RAPGEF4: variants seen among roughly 807,000 people sequenced by gnomAD.
RAPGEF4 encodes the protein Rap guanine nucleotide exchange factor 4.
Under a neutral mutation model 147.9 loss-of-function variants are expected in RAPGEF4, and 66 were observed. That is an observed-to-expected ratio of 0.45 (90% CI 0.37 to 0.55). The LOEUF (loss-of-function observed/expected upper bound fraction) is 0.55. RAPGEF4 is among the 20% of genes least tolerant of loss of function. RAPGEF4 has a pLI of 0.00. For missense variants in RAPGEF4, 1,071 were observed against 1,257.3 expected (o/e 0.85, Z 2.24); for synonymous variants, 419 against 442.7 (o/e 0.95, Z 0.67).
At chr2:173,019,100 G>C (rs1393480428) in intron 22 of RAPGEF4, among the ~76,000 whole-genome samples, 1 of 152,144 alleles carries the variant, frequency 6.6e-6, no homozygotes, top group East Asian at 1.9e-4. Context: ...TTAGGCCTTG[G>C]AGCCCTGAAA....
intron 4 of RAPGEF4, among the ~76,000 whole-genome samples, chr2:172,819,896 A>T (rs921051588): frequency 3.9e-5 from 6 of 152,360 alleles, no homozygotes; most frequent in South Asian, 2.1e-4. Context: ...AGCAGTTATT[A>T]TATTAATAGT....
intron 9 of RAPGEF4, chr2:172,966,997 A>G (rs1689909249): frequency 3.0e-6 from 1 of 332,076 alleles, no homozygotes; most frequent in South Asian, 8.4e-5. Flanking sequence ...TGTTCATCTG[A>G]GAAATGCTGG....
chr2:172,950,234 G>C (rs932163705), intron 6 of RAPGEF4, among the ~76,000 whole-genome samples: 4 of 152,152 alleles, frequency 2.6e-5, no homozygotes, highest in Non-Finnish European at 5.9e-5. Context: ...ATTCCTTGAT[G>C]AGGGCGGTAG....
At chr2:172,749,771 AC>A (rs1392329551) in intron 1 of RAPGEF4, among the ~76,000 whole-genome samples, 1 of 152,142 alleles carries the variant, frequency 6.6e-6, no homozygotes, top group Admixed American at 6.5e-5. Context: ...AATTTCCCGA[AC>A]TTTTATGCTC....
At chr2:173,013,430 A>G (rs1296236552) in intron 17 of RAPGEF4, among the ~76,000 whole-genome samples, 1 of 152,266 alleles carries the variant, frequency 6.6e-6, no homozygotes, top group African/African-American at 2.4e-5. Context: ...CGACACTTTC[A>G]TCACAAGGCT....
chr2:172,854,060 G>T (rs1319558165), intron 4 of RAPGEF4, among the ~76,000 whole-genome samples: 4 of 151,928 alleles, frequency 2.6e-5, no homozygotes, highest in African/African-American at 9.7e-5. Context: ...AAAAGAATGT[G>T]CATTCTGCAG....
chr2:172,981,029 A>C (rs749974638), intron 10 of RAPGEF4, among the ~76,000 whole-genome samples: 1 of 152,286 alleles, frequency 6.6e-6, no homozygotes, highest in Non-Finnish European at 1.5e-5. Context: ...ACTTTTCCTA[A>C]CCTCATAGAG....
intron 2 of RAPGEF4, among the ~76,000 whole-genome samples, chr2:172,796,347 A>T (rs1421411323): frequency 6.6e-6 from 1 of 152,096 alleles, no homozygotes. Flanking sequence ...GCACTTTGGG[A>T]GGCTGAGGTG....
rs550510475 is a variant in RAPGEF4, at chr2:172,981,616, A to G, written c.1005-1880A>G. Among the ~76,000 whole-genome samples the G allele has an allele frequency of 9.8e-5, 15 of 152,360 alleles. No homozygotes were observed. The East Asian group carries it at 2.9e-3, about 29-fold the overall frequency. ...GTGGATTTAGTATCTGTCTTTATACAGTCAGGATTAGGAAGATAGCCCCTG... is the reference window on the plus strand; with the variant it reads ...GTGGATTTAGTATCTGTCTTTATACGGTCAGGATTAGGAAGATAGCCCCTG... On this transcript the variant is annotated intron_variant, in intron 10 of 30. Coordinates refer to ENST00000397081, the MANE Select transcript of RAPGEF4 (RefSeq NM_007023.4).
chr2:172,887,208 G>A (rs1189789052), intron 4 of RAPGEF4, among the ~76,000 whole-genome samples: 16 of 145,400 alleles, frequency 1.1e-4, no homozygotes, highest in East Asian at 4.0e-4. Context: ...AAAAAAAAAA[G>A]AAAAAAAGAA....
At chr2:172,934,190 C>T (rs898286612) in intron 6 of RAPGEF4, among the ~76,000 whole-genome samples, 1 of 125,054 alleles carries the variant, frequency 8.0e-6, no homozygotes, top group Non-Finnish European at 1.6e-5. Context: ...TGCTCTGTCA[C>T]CCAGGCTGGA....
At chr2:173,002,297 AC>A (rs1198212663) in intron 17 of RAPGEF4, among the ~76,000 whole-genome samples, 1 of 152,038 alleles carries the variant, frequency 6.6e-6, no homozygotes, top group African/African-American at 2.4e-5. Flanking sequence ...CATCTTACTG[AC>A]TTAAAGACCC....
intron 1 of RAPGEF4, among the ~76,000 whole-genome samples, chr2:172,755,909 T>C (rs7587431): frequency 0.011 from 1,660 of 152,262 alleles, 34 homozygotes; most frequent in African/African-American, 0.037. Flanking sequence ...TGTGTGTGTG[T>C]AGTTCTATGT....
chr2:172,789,163 A>G (rs548238275), intron 1 of RAPGEF4, among the ~76,000 whole-genome samples: 2 of 152,342 alleles, frequency 1.3e-5, no homozygotes, highest in South Asian at 4.1e-4. Flanking sequence ...TTGTTTAAAT[A>G]TCTCACTTGA....
chr2:172,874,112 A>C (rs1206879552), intron 4 of RAPGEF4, among the ~76,000 whole-genome samples: 1 of 152,180 alleles, frequency 6.6e-6, no homozygotes, highest in Non-Finnish European at 1.5e-5. Context: ...AGTATAAATT[A>C]GTTCAACCAT....
chr2:172,802,673 A>G (rs1687095724), intron 3 of RAPGEF4, among the ~76,000 whole-genome samples: 1 of 152,216 alleles, frequency 6.6e-6, no homozygotes, highest in African/African-American at 2.4e-5. Context: ...ACAGTCTCCC[A>G]AAGTCTTAAT....
intron 1 of RAPGEF4, among the ~76,000 whole-genome samples, chr2:172,774,572 A>G (rs74437795): frequency 0.029 from 4,362 of 152,304 alleles, 241 homozygotes; most frequent in African/African-American, 0.098. Context: ...TTAAAATATC[A>G]GCTAAAATGG....
Position 172,878,084 on chromosome 2 carries a change from C to T in RAPGEF4, c.445-39718C>T, listed in dbSNP as rs1013068949. ...CAAATTACTTAAGTTGTGCTCTTTG[C>T]ATTAGAATCTGCACTTCAAATGAAT... is the stretch of plus-strand genomic sequence containing the variant. On this transcript the variant is annotated intron_variant, in intron 4 of 30. Coordinates refer to ENST00000397081, the MANE Select transcript of RAPGEF4 (RefSeq NM_007023.4). Among the ~76,000 whole-genome samples, 3 of 152,272 alleles carry T rather than the reference C, an allele frequency of 2.0e-5. No homozygotes were observed. In the East Asian group the frequency reaches 5.8e-4, roughly 29 times the overall value.
In RAPGEF4 at chr2:173,052,412, A is replaced by C. The variant is rs1686333578; in HGVS notation, c.*645A>C. On this transcript the variant is annotated 3_prime_UTR_variant, in exon 31 of 31. Transcript: ENST00000397081. ...TACAATGTAACTTTTCAAAATTTAC[A>C]AATCAGGATTATATACATAAGAATT... 2 of 152,676 alleles carry C rather than the reference A, an allele frequency of 1.3e-5. No individual in the cohort carries two copies. The highest frequency in any genetic ancestry group is 1.3e-4 in the Admixed American group (2 of 15,286). The allele number at this position is 152,676 out of a possible 1,614,324, so 9.5% of individuals were successfully genotyped here.
Sources: gnomAD v4.1 joint callset for allele counts (sites outside exome capture counted in the v4.1 genomes callset) on GRCh38, gnomAD v4.1.1 for gene constraint, MANE v1.5 for transcripts, NCBI Gene and HGNC (gene_info 2026-07-23, HGNC 2026-07-21) for gene names.